ACHE: variants seen among roughly 807,000 people sequenced by gnomAD.
ACHE encodes the protein acetylcholinesterase (Yt blood group), also known as acetylcholinesterase.
Under a neutral mutation model 53.9 loss-of-function variants are expected in ACHE, and 19 were observed. The observed-to-expected ratio is 0.35, with a 90% CI of 0.25 to 0.52. The LOEUF is 0.52. Ranked by LOEUF, ACHE falls within the 20% of genes least tolerant of loss-of-function variation. The probability of loss-of-function intolerance (pLI) is 0.95; values close to 1 mark genes in which losing one functional copy is unlikely to be tolerated. For synonymous variants in ACHE, 392 were observed against 378.1 expected, an observed-to-expected ratio of 1.04 and a Z score of -0.43; for missense variants, 605 against 849.4, an observed-to-expected ratio of 0.71 and a Z score of 3.58.
At position 100,893,287 on chromosome 7, in the gene ACHE, C is replaced by T. The variant is rs1790810556; in HGVS notation, c.946G>A (p.Glu316Lys). The T allele has an allele frequency of 6.2e-7, 1 of 1,614,016 alleles. No homozygotes were observed. Among genetic ancestry groups the T allele is most frequent in the Non-Finnish European group, 8.5e-7 (1 of 1,180,014 alleles). The change falls in exon 2 of 5, where the codon GAA becomes AAA. Residue 316 changes from glutamate to lysine, a missense_variant. Physicochemically the swap from Glu to Lys is moderately conservative, Grantham distance 56. Coordinates refer to ENST00000241069, the MANE Select transcript of ACHE (RefSeq NM_000665.5). ...CTTTCTTGAGGCAGCACGTGCCATTCGTGGTTCACCAGGACCTGCGCTGGT... is the reference window on the plus strand; with the variant it reads ...CTTTCTTGAGGCAGCACGTGCCATTTGTGGTTCACCAGGACCTGCGCTGGT... The part of the protein sequence containing the change: ...TRPAQVLVNH[E>K]WHVLPQESVF...
chr7:100,890,647 C>A (rs1790619838), intron 4 of ACHE: 19 of 1,373,572 alleles, frequency 1.4e-5, no homozygotes, highest in Non-Finnish European at 1.7e-5. Flanking sequence ...AATGGTTGAC[C>A]GTTATAGCCC....
chr7:100,891,494 T>A (rs187867886), intron 3 of ACHE, among the ~76,000 whole-genome samples, 156 bp from the exon 4 acceptor site: 213 of 152,242 alleles, frequency 1.4e-3, no homozygotes, highest in African/African-American at 4.7e-3. Flanking sequence ...CATTGGGGTC[T>A]TCCCTTCCTC....
intron 1 of ACHE, among the ~76,000 whole-genome samples, chr7:100,895,243 C>G (rs970770581): frequency 3.1e-4 from 47 of 152,328 alleles, no homozygotes; most frequent in African/African-American, 1.1e-3. Context: ...GCCCAGCCCC[C>G]GCCGCCCTGA....
chr7:100,894,158 CAGGAGCCAGAGGAGG>C lies in ACHE; in HGVS notation c.60_74del (p.Leu21_Leu25del). The C allele has an allele frequency of 6.7e-7, 1 of 1,487,266 alleles. No individual in the cohort carries two copies. Among genetic ancestry groups the C allele is most frequent in the Non-Finnish European group, 8.9e-7 (1 of 1,124,782 alleles). 92.1% of individuals were successfully genotyped at this position (1,487,266 alleles called of 1,614,324 possible). A position where few individuals can be genotyped will look rare whatever the true frequency, so the allele number is the denominator to read the frequency against. ...GGCCCTCAGCCCCCACTCCTCCACC[CAGGAGCCAGAGGAGG>C]AGGAGAAGGAGTGGGGAAGCCAGGG... is the stretch of plus-strand genomic sequence containing the variant. On this transcript the variant is annotated inframe_deletion, in exon 2 of 5. Transcript: ENST00000241069.
upstream of ACHE, chr7:100,896,616 G>A (rs1029759138): frequency 2.7e-4 from 72 of 269,962 alleles, 1 homozygote; most frequent in Admixed American, 3.3e-3. Context: ...ACTCCGCGGC[G>A]GCAGTGGAAA....
rs753301602 is a variant in ACHE at position 100,892,526 on chromosome 7, G to C, written c.1361C>G (p.Ala454Gly). Residue 454 changes from alanine (A) to glycine (G), a missense_variant, in exon 3 of 5, where the codon GCC becomes GGC. By Grantham distance (60) the Ala-to-Gly change is moderately conservative. Coordinates refer to ENST00000241069, the MANE Select transcript of ACHE (RefSeq NM_000665.5). This position sits in a 1 kb window ranked among gnomAD's most constrained non-coding sequence, Gnocchi z 5.2. ...QLAGRLAAQGARVYAYVFEHR... is the reference protein window; with the variant it reads ...QLAGRLAAQGGRVYAYVFEHR... ...TTCAAAGACGTAGGCGTAGACCCGG[G>C]CACCCTGGGCAGCCAGTCGCCCAGC... is the stretch of plus-strand genomic sequence containing the variant. 4 of 1,608,314 alleles carry C rather than the reference G, an allele frequency of 2.5e-6. No homozygotes were observed. Among genetic ancestry groups the C allele is most frequent in the Non-Finnish European group, 3.4e-6 (4 of 1,176,002 alleles).
At chr7:100,895,171 T>A (rs1333203327) in intron 1 of ACHE, among the ~76,000 whole-genome samples, 1 of 151,842 alleles carries the variant, frequency 6.6e-6, no homozygotes, top group Non-Finnish European at 1.5e-5. Context: ...TTCCGGCATC[T>A]CCAGCCAAAG....
chr7:100,893,279 G>T lies in ACHE; in HGVS notation c.954C>A (p.His318Gln). Reference protein sequence around the residue: ...PAQVLVNHEWHVLPQESVFRF... With the variant: ...PAQVLVNHEWQVLPQESVFRF... The stretch of plus-strand genomic sequence containing the variant: ...GGAAGACGCTTTCTTGAGGCAGCAC[G>T]TGCCATTCGTGGTTCACCAGGACCT... The change falls in exon 2 of 5, where the codon CAC becomes CAA. Residue 318 changes from histidine to glutamine, a missense_variant. Physicochemically the swap from His to Gln is conservative, Grantham distance 24 (BLOSUM62 0). Around this residue, in one of 4 missense-constraint regions of ACHE, gnomAD observed 397 missense variants for 632.5 expected, o/e 0.63. Coordinates refer to ENST00000241069, the MANE Select transcript of ACHE (RefSeq NM_000665.5). The T allele has an allele frequency of 6.2e-7, 1 of 1,614,048 alleles. No homozygotes were observed. The highest frequency in any genetic ancestry group is 8.5e-7 in the Non-Finnish European group (1 of 1,180,008).
intron 4 of ACHE, chr7:100,890,932 T>C (rs374827711): frequency 1.2e-5 from 18 of 1,471,386 alleles, no homozygotes; most frequent in Middle Eastern, 2.5e-4. Context: ...GAGGGGCCCC[T>C]GTGGCCGTAG....
rs1005165652 is a variant in ACHE at position 100,894,250 on chromosome 7, C to T, written c.-18G>A. 8 of 1,405,172 alleles carry T rather than the reference C, an allele frequency of 5.7e-6. No homozygotes were observed. Among genetic ancestry groups the T allele is most frequent in the African/African-American group, 1.5e-5 (1 of 68,546 alleles). The allele number at this position is 1,405,172 out of a possible 1,614,324, so 87.0% of individuals were successfully genotyped here. On this transcript the variant is annotated splice_region_variant and 5_prime_UTR_variant, in exon 2 of 5. Coordinates refer to ENST00000241069, the MANE Select transcript of ACHE (RefSeq NM_000665.5). ...GGCCTCATGGCTGCAGGGCAGGCGGCGTCTGCTGGGAGAAAGAAAGGGAAA... is the reference window on the plus strand; with the variant it reads ...GGCCTCATGGCTGCAGGGCAGGCGGTGTCTGCTGGGAGAAAGAAAGGGAAA...
At chr7:100,890,724 G>C (rs1480049052) in intron 4 of ACHE, 4 of 1,333,226 alleles carry the variant, frequency 3.0e-6, no homozygotes, top group African/African-American at 1.5e-5. Context: ...GGTTCCAAAA[G>C]ATAATTTTAT....
intron 1 of ACHE, among the ~76,000 whole-genome samples, chr7:100,894,736 G>T (rs17883552): frequency 0.053 from 8,081 of 152,108 alleles, 718 homozygotes; most frequent in African/African-American, 0.18. Context: ...GGCATTCAGG[G>T]TGTGGAAGCC....
At chr7:100,896,580 C>G (rs868147493), upstream of ACHE, 10 of 257,406 alleles carry the variant, frequency 3.9e-5, no homozygotes, top group Admixed American at 4.0e-4. Context: ...CGTGGTAGCA[C>G]GCGCAAGGCT....
upstream of ACHE, chr7:100,896,159 A>T (rs1791031709): frequency 6.6e-6 from 1 of 152,306 alleles, no homozygotes; most frequent in Admixed American, 6.5e-5. Context: ...AGACGGACAG[A>T]AGCCCGTGGA....
At chr7:100,893,119 T>A in intron 2 of ACHE, 46 bp downstream of exon 2, 1 of 1,581,784 alleles carries the variant, frequency 6.3e-7, no homozygotes. Context: ...GGAGGGACCG[T>A]TGGGACCCAG....
chr7:100,890,838 GTCTC>G, intron 4 of ACHE: 1 of 1,423,040 alleles, frequency 7.0e-7, no homozygotes, highest in Non-Finnish European at 9.2e-7. Context: ...TCCAGTGTGA[GTCTC>G]TCGGTTTGAG....
chr7:100,894,277 G>T (rs1015584389), intron 1 of ACHE, 25 bp from the exon 2 acceptor site: 1 of 1,406,496 alleles, frequency 7.1e-7, no homozygotes, highest in Non-Finnish European at 9.3e-7. Context: ...AAAGGGAAAG[G>T]GTGAAGGGTC....
intron 4 of ACHE, chr7:100,890,681 G>A: frequency 1.5e-6 from 2 of 1,320,518 alleles, no homozygotes; most frequent in Non-Finnish European, 1.9e-6. Flanking sequence ...TACCCCGTCC[G>A]GGGCCTCCCA....
Position 100,892,841 on chromosome 7 carries a change from T to TG in ACHE, c.1069-24dup. ...CACCTGGGGGTGAGGGAGAGGGGGG[T>TG]GGGATGGAGCGACAGGCACAGACAG... On this transcript the variant is annotated intron_variant, in intron 2 of 4. Transcript: ENST00000241069. The surrounding 1 kb of genome is among the most constrained non-coding windows in gnomAD (Gnocchi z 5.2). 1 of 1,543,664 alleles carries TG rather than the reference T, an allele frequency of 6.5e-7. No individual in the cohort carries two copies. Among genetic ancestry groups the TG allele is most frequent in the African/African-American group, 1.4e-5 (1 of 72,728 alleles).
Sources: allele counts gnomAD v4.1 joint callset (sites outside exome capture counted in the v4.1 genomes callset), GRCh38; gene constraint gnomAD v4.1.1; regional missense constraint gnomAD v4.1.1; non-coding constraint Gnocchi (gnomAD v3.1); transcripts MANE v1.5; gene names NCBI Gene and HGNC (gene_info 2026-07-23, HGNC 2026-07-21).